The following MEGF11 variants were observed in gnomAD, a reference collection of about 807,000 sequenced individuals.
MEGF11 encodes multiple EGF like domains 11.
Under a neutral mutation model 146.6 loss-of-function variants are expected in MEGF11, and 126 were observed. The ratio of observed to expected loss-of-function variants is 0.86; its 90% CI spans 0.74 to 1.00. The LOEUF is 1.00. MEGF11 is among the 50% of genes least tolerant of loss of function. The pLI is 0.00. For missense variants in MEGF11, 1,509 were observed against 1,521.2 expected (o/e 0.99, Z 0.13); for synonymous variants, 532 against 583.4 (o/e 0.91, Z 1.27).
At chr15:66,046,191 AAGTAGC>A (rs1019910534) in intron 5 of MEGF11, among the ~76,000 whole-genome samples, 4 of 152,136 alleles carry the variant, frequency 2.6e-5, no homozygotes, top group Non-Finnish European at 5.9e-5. Context: ...CATGGCAACT[AAGTAGC>A]AGGAAGCTGA....
At chr15:66,105,870 C>T (rs1031467081) in intron 4 of MEGF11, among the ~76,000 whole-genome samples, 1 of 152,204 alleles carries the variant, frequency 6.6e-6, no homozygotes, top group African/African-American at 2.4e-5. Flanking sequence ...AGTCCCTGCA[C>T]CTGGCCACAC....
chr15:66,185,508 A>G (rs2090671001), intron 1 of MEGF11, among the ~76,000 whole-genome samples: 1 of 152,104 alleles, frequency 6.6e-6, no homozygotes, highest in South Asian at 2.1e-4. Context: ...GGGTAGGAAG[A>G]TAAGTGTCAG....
chr15:66,237,941 C>A (rs1372598881), intron 1 of MEGF11, among the ~76,000 whole-genome samples: 1 of 152,158 alleles, frequency 6.6e-6, no homozygotes, highest in African/African-American at 2.4e-5. Flanking sequence ...GAAAATACAG[C>A]AATATCCTAT....
chr15:65,998,864 C>T (rs2082277020), intron 5 of MEGF11, among the ~76,000 whole-genome samples: 2 of 152,146 alleles, frequency 1.3e-5, no homozygotes, highest in Non-Finnish European at 2.9e-5. Flanking sequence ...CTTCATTAAG[C>T]AGGACATCTA....
rs865868911 is a variant in MEGF11 at position 65,982,432 on chromosome 15, C to T, written c.451G>A (p.Gly151Ser). 5 of 1,496,478 alleles carry T rather than the reference C, an allele frequency of 3.3e-6. No homozygotes were observed. Among genetic ancestry groups the T allele is most frequent in the Non-Finnish European group, 3.6e-6 (4 of 1,121,056 alleles). 92.7% of individuals were successfully genotyped at this position (1,496,478 alleles called of 1,614,324 possible). The change falls in exon 6 of 26, where the codon GGC becomes AGC. Residue 151 changes from glycine to serine, a missense_variant. Coordinates refer to ENST00000395614, the MANE Select transcript of MEGF11 (RefSeq NM_001385028.1). The surrounding 1 kb of genome is among the most constrained non-coding windows in gnomAD (Gnocchi z 5.6). ...HCSNRCQCQN[G>S]ALCNPITGAC... ...CCTGTGATGGGGTTACACAGGGCGC[C>T]GTTCTGGCACTGGCACCGGTTGCTG...
chr15:66,125,096 T>C (rs974391820), intron 2 of MEGF11, among the ~76,000 whole-genome samples: 1 of 152,214 alleles, frequency 6.6e-6, no homozygotes, highest in African/African-American at 2.4e-5. Context: ...GGCTCTCTGA[T>C]GCCTGAAAGG....
At chr15:66,083,579 C>A (rs1366746901) in intron 5 of MEGF11, among the ~76,000 whole-genome samples, 1 of 151,546 alleles carries the variant, frequency 6.6e-6, no homozygotes, top group East Asian at 1.9e-4. Context: ...TGATTTCTTG[C>A]ATATTACACT....
At chr15:66,207,599 T>A (rs1158596336) in intron 1 of MEGF11, among the ~76,000 whole-genome samples, 1 of 152,222 alleles carries the variant, frequency 6.6e-6, no homozygotes, top group Non-Finnish European at 1.5e-5. Flanking sequence ...GTAACTTGAA[T>A]CCACGTAAAA....
At chr15:66,250,090 G>T (rs1018001429) in intron 1 of MEGF11, among the ~76,000 whole-genome samples, 2 of 152,138 alleles carry the variant, frequency 1.3e-5, no homozygotes, top group Non-Finnish European at 2.9e-5. Context: ...GAGGGACATG[G>T]TTACCTGGCA....
At chr15:65,922,511 G>A in intron 14 of MEGF11, 39 bp from the exon 15 acceptor site, 2 of 1,510,332 alleles carry the variant, frequency 1.3e-6, no homozygotes, top group Non-Finnish European at 1.8e-6. Context: ...CAGCCCAAGA[G>A]ACCCCAGCCA....
chr15:66,112,809 A>T (rs1567246687), intron 4 of MEGF11, among the ~76,000 whole-genome samples: 1 of 152,220 alleles, frequency 6.6e-6, no homozygotes, highest in Non-Finnish European at 1.5e-5. Flanking sequence ...TGTCACAGGC[A>T]GCTTAACTAT....
chr15:66,116,390 T>G (rs1193592367), intron 4 of MEGF11, among the ~76,000 whole-genome samples: 4 of 152,056 alleles, frequency 2.6e-5, no homozygotes, highest in Non-Finnish European at 5.9e-5. Flanking sequence ...TGGGCCATAG[T>G]AGGTGCTTAA....
intron 9 of MEGF11, among the ~76,000 whole-genome samples, chr15:65,958,098 A>G (rs1273043049): frequency 6.6e-6 from 1 of 152,184 alleles, no homozygotes; most frequent in South Asian, 2.1e-4. Context: ...GGCTTCATCC[A>G]TCCCTCACCT....
chr15:66,071,635 C>T (rs964993319), intron 5 of MEGF11, among the ~76,000 whole-genome samples: 4 of 152,234 alleles, frequency 2.6e-5, no homozygotes, highest in African/African-American at 9.6e-5. Context: ...ATCCAGGGCT[C>T]GGGTTCCCAG....
intron 25 of MEGF11, 112 bp from the exon 26 acceptor site, chr15:65,898,206 C>T (rs1371564766): frequency 1.4e-6 from 2 of 1,463,626 alleles, no homozygotes; most frequent in East Asian, 5.0e-5. Context: ...ATTTATAAAT[C>T]TATGGCAAAT....
Position 65,980,830 on chromosome 15 carries a change from C to A in MEGF11, c.710G>T (p.Gly237Val). 2 of 1,603,656 alleles carry A rather than the reference C, an allele frequency of 1.2e-6. No homozygotes were observed. The highest frequency in any genetic ancestry group is 1.7e-6 in the Non-Finnish European group (2 of 1,175,798). ...HCELRCPCQN[G>V]GTCHHITGEC... ...GCCAGTGATGTGGTGGCAGGTGCCC[C>A]CATTCTGACAGGGGCAGCGCAGCTC... Residue 237 changes from glycine to valine, a missense_variant, in exon 7 of 26, where the codon GGG becomes GTG. Coordinates refer to ENST00000395614, the MANE Select transcript of MEGF11 (RefSeq NM_001385028.1).
intron 5 of MEGF11, among the ~76,000 whole-genome samples, chr15:65,997,653 C>G (rs558336668): frequency 6.6e-6 from 1 of 152,302 alleles, no homozygotes; most frequent in Admixed American, 6.5e-5. Context: ...AATGTCAGCT[C>G]CATGAGGGCA....
intron 5 of MEGF11, among the ~76,000 whole-genome samples, chr15:66,015,528 G>T (rs1403459195): frequency 2.0e-5 from 3 of 152,144 alleles, no homozygotes; most frequent in Admixed American, 2.0e-4. Flanking sequence ...TCATAATCTG[G>T]TGAAGAAAGT....
intron 1 of MEGF11, among the ~76,000 whole-genome samples, chr15:66,175,823 G>T (rs915886137): frequency 2.0e-5 from 3 of 151,968 alleles, no homozygotes; most frequent in Admixed American, 1.3e-4. Context: ...AGACGAATGG[G>T]ACTATATCAA....
Sources: allele counts gnomAD v4.1 joint callset (sites outside exome capture counted in the v4.1 genomes callset), GRCh38; gene constraint gnomAD v4.1.1; non-coding constraint Gnocchi (gnomAD v3.1); transcripts MANE v1.5; gene names NCBI Gene and HGNC (gene_info 2026-07-23, HGNC 2026-07-21).